Variants in SYT17 observed in about 807,000 individuals in gnomAD.
The protein encoded by SYT17 is synaptotagmin 17.
Under a neutral mutation model 46.7 loss-of-function variants are expected in SYT17, and 22 were observed. That is an observed-to-expected ratio of 0.47 (90% confidence interval 0.34 to 0.67). SYT17 has a LOEUF of 0.67. SYT17 is among the 30% of genes least tolerant of loss of function. The pLI is 0.01. For missense variants in SYT17, 519 were observed against 612.8 expected, an observed-to-expected ratio of 0.85 and a Z score of 1.62; for synonymous variants, 251 against 248.4, an observed-to-expected ratio of 1.01 and a Z score of -0.10.
At chr16:19,176,007 C>T (rs1186468510) in intron 3 of SYT17, among the ~76,000 whole-genome samples, 1 of 152,120 alleles carries the variant, frequency 6.6e-6, no homozygotes, top group Admixed American at 6.5e-5. Context: ...TCAGGTTGCC[C>T]CCTAGAGTTG....
chr16:19,243,222 G>A (rs1967266767), intron 7 of SYT17, among the ~76,000 whole-genome samples: 1 of 152,170 alleles, frequency 6.6e-6, no homozygotes, highest in Non-Finnish European at 1.5e-5. Flanking sequence ...CTGTCTTCAT[G>A]AGCAGATGCC....
chr16:19,169,161 C>G (rs1963986499), intron 1 of SYT17, among the ~76,000 whole-genome samples: 1 of 152,036 alleles, frequency 6.6e-6, no homozygotes, highest in African/African-American at 2.4e-5. Flanking sequence ...TGGGGGACAC[C>G]CAGAGGCCAG....
chr16:19,246,634 C>T (rs369159888), intron 7 of SYT17, among the ~76,000 whole-genome samples: 173 of 152,182 alleles, frequency 1.1e-3, no homozygotes, highest in African/African-American at 3.5e-3. Context: ...TATGTGTGTG[C>T]GTGTATATGT....
In SYT17 at chr16:19,168,859, C is replaced by T. The variant is rs1400364655; in HGVS notation, c.15+198C>T. On this transcript the variant is annotated intron_variant, in intron 1 of 7. Coordinates refer to ENST00000355377, the MANE Select transcript of SYT17 (RefSeq NM_016524.4). This position sits in a 1 kb window ranked among gnomAD's most constrained non-coding sequence, Gnocchi z 6.9. ...GGAGAGACTGGGGACCCCCAAACCC[C>T]GGGATGGAGGGTCCTATGTGTACTC... Among the ~76,000 whole-genome samples, 1 of 152,044 alleles carries T rather than the reference C, an allele frequency of 6.6e-6. No homozygotes were observed. Among genetic ancestry groups the T allele is most frequent in the Non-Finnish European group, 1.5e-5 (1 of 67,982 alleles).
At chr16:19,260,848 G>C (rs1968926071) in intron 7 of SYT17, among the ~76,000 whole-genome samples, 1 of 152,188 alleles carries the variant, frequency 6.6e-6, no homozygotes, top group Non-Finnish European at 1.5e-5. Context: ...ATTTAGGAAT[G>C]TGGTTATAAG....
chr16:19,193,152 A>G (rs1965095026), intron 5 of SYT17, among the ~76,000 whole-genome samples: 1 of 152,250 alleles, frequency 6.6e-6, no homozygotes, highest in South Asian at 2.1e-4. Context: ...TGGCGTGGCA[A>G]GTGCTGTGCC....
chr16:19,218,037 C>G (rs755619845), intron 5 of SYT17, among the ~76,000 whole-genome samples: 3 of 152,132 alleles, frequency 2.0e-5, no homozygotes, highest in Non-Finnish European at 2.9e-5. Context: ...GATATATGAT[C>G]TGGAGCAAGT....
chr16:19,247,034 C>A (rs972857294), intron 7 of SYT17, among the ~76,000 whole-genome samples: 1 of 152,124 alleles, frequency 6.6e-6, no homozygotes, highest in African/African-American at 2.4e-5. Context: ...GGAAGGTGAC[C>A]TTTGATCCTA....
chr16:19,264,466 G>C (rs1025523162), intron 7 of SYT17, among the ~76,000 whole-genome samples: 2 of 152,174 alleles, frequency 1.3e-5, no homozygotes, highest in African/African-American at 2.4e-5. Context: ...ATTCCTAGAA[G>C]TGAAATTGCT....
chr16:19,206,384 G>T (rs1246998858), intron 5 of SYT17, among the ~76,000 whole-genome samples: 4 of 152,220 alleles, frequency 2.6e-5, no homozygotes, highest in African/African-American at 9.6e-5. Context: ...ATGAGGCTCA[G>T]AGAGGTTCAG....
chr16:19,218,406 C>T (rs1279750394), intron 5 of SYT17, among the ~76,000 whole-genome samples: 1 of 152,128 alleles, frequency 6.6e-6, no homozygotes, highest in East Asian at 1.9e-4. Context: ...GGAATGGTTC[C>T]CTGGAAAAGT....
At chr16:19,261,123 GA>G (rs1481869188) in intron 7 of SYT17, among the ~76,000 whole-genome samples, 1 of 151,946 alleles carries the variant, frequency 6.6e-6, no homozygotes, top group Non-Finnish European at 1.5e-5. Flanking sequence ...TTACAGGTGT[GA>G]GCCACTGCAC....
chr16:19,248,842 G>T (rs1967793619), intron 7 of SYT17, among the ~76,000 whole-genome samples: 1 of 151,682 alleles, frequency 6.6e-6, no homozygotes, highest in Non-Finnish European at 1.5e-5. Context: ...ACAACAAAAA[G>T]AATATTACTC....
At chr16:19,245,043 C>T (rs1967435172) in intron 7 of SYT17, among the ~76,000 whole-genome samples, 2 of 152,184 alleles carry the variant, frequency 1.3e-5, no homozygotes, top group African/African-American at 4.8e-5. Flanking sequence ...GCTCCACGAC[C>T]TCCCTGAGCA....
rs757211379 is a variant in SYT17 at position 19,267,025 on chromosome 16, G to T, written c.1374G>T (p.Arg458Ser). ...CCGTGGAGCAGTGGCATAGCCTGAG[G>T]TCCCGAGCTGAGTGTGACCGCGTGT... ...RTAVEQWHSL[R>S]SRAECDRVSP... Residue 458 changes from arginine (R) to serine (S), a missense_variant, in exon 8 of 8, where the codon AGG becomes AGT. Arg to Ser is a moderately radical substitution (Grantham distance 110, BLOSUM62 -1). Coordinates refer to ENST00000355377, the MANE Select transcript of SYT17 (RefSeq NM_016524.4). The T allele has an allele frequency of 1.9e-6, 3 of 1,612,702 alleles. No individual in the cohort carries two copies. In the Admixed American group the frequency reaches 5.0e-5, roughly 27 times the overall value.
chr16:19,173,307 G>A, intron 2 of SYT17, 123 bp from the exon 3 acceptor site: 1 of 653,246 alleles, frequency 1.5e-6, no homozygotes, highest in South Asian at 2.0e-5. Flanking sequence ...ACTCCTGAAT[G>A]TCTATTTCTC....
At chr16:19,172,964 A>C in intron 2 of SYT17, 187 bp downstream of exon 2, 1 of 689,756 alleles carries the variant, frequency 1.4e-6, no homozygotes, top group Non-Finnish European at 2.4e-6. Flanking sequence ...CCAGTTGACA[A>C]GACAAGTTTC....
intron 7 of SYT17, among the ~76,000 whole-genome samples, chr16:19,232,618 T>A (rs1419036706): frequency 6.6e-6 from 1 of 151,890 alleles, no homozygotes; most frequent in Non-Finnish European, 1.5e-5. Context: ...ATCGTTTGAG[T>A]CCAGGAGTTT....
At chr16:19,259,502 G>C (rs140821414) in intron 7 of SYT17, among the ~76,000 whole-genome samples, 15 of 152,194 alleles carry the variant, frequency 9.9e-5, no homozygotes, top group African/African-American at 3.4e-4. Flanking sequence ...GTAGTTTTTT[G>C]AGTTCTTGTA....
Sources: gnomAD v4.1 joint callset for allele counts (sites outside exome capture counted in the v4.1 genomes callset) on GRCh38, gnomAD v4.1.1 for gene constraint, Gnocchi (gnomAD v3.1) non-coding constraint, MANE v1.5 for transcripts, NCBI Gene and HGNC (gene_info 2026-07-23, HGNC 2026-07-21) for gene names.